EVX1: variants seen among roughly 807,000 people sequenced by gnomAD.
EVX1 encodes the protein homeobox even-skipped homolog protein 1.
A neutral mutation model predicts 28.6 loss-of-function variants in EVX1; 19 were observed. The observed-to-expected ratio is 0.67, with a 90% confidence interval of 0.46 to 0.98. The LOEUF (loss-of-function observed/expected upper bound fraction) is 0.98. Ranked by LOEUF, EVX1 falls within the 50% of genes least tolerant of loss-of-function variation. EVX1 has a pLI of 0.00. For synonymous variants in EVX1, 324 were observed against 278.2 expected, an observed-to-expected ratio of 1.16 and a Z score of -1.64; for missense variants, 660 against 583.0, an observed-to-expected ratio of 1.13 and a Z score of -1.36.
chr7:27,246,031 T>C lies in EVX1; in HGVS notation c.830T>C (p.Leu277Pro). Residue 277 changes from leucine to proline, a missense_variant, in exon 3 of 3, where the codon CTG becomes CCG. This residue lies in a region of EVX1 where 299 missense variants were observed against 241.3 expected (regional missense o/e 1.24). Transcript: ENST00000496902. Reference protein sequence around the residue: ...GGLPYPFPSHLPLPYYSPVGL... With the variant: ...GGLPYPFPSHPPLPYYSPVGL... ...CTGCCCTACCCCTTCCCATCGCACCTGCCCCTGCCCTACTACTCGCCGGTG... is the reference window on the plus strand; with the variant it reads ...CTGCCCTACCCCTTCCCATCGCACCCGCCCCTGCCCTACTACTCGCCGGTG... The C allele has an allele frequency of 6.3e-7, 1 of 1,595,648 alleles. No individual in the cohort carries two copies. Among genetic ancestry groups the C allele is most frequent in the Non-Finnish European group, 8.5e-7 (1 of 1,178,134 alleles).
Position 27,243,218 on chromosome 7 carries a change from G to T in EVX1, c.188G>T (p.Gly63Val). The change falls in exon 1 of 3, where the codon GGA becomes GTA. Residue 63 changes from glycine to valine, a missense_variant. By Grantham distance (109) the Gly-to-Val change is moderately radical. Around this residue, in one of 3 missense-constraint regions of EVX1, gnomAD observed 308 missense variants for 256.6 expected, o/e 1.20. Transcript: ENST00000496902. ...VPPATRERGGGGPEEEPVDGL... is the reference protein window; with the variant it reads ...VPPATRERGGVGPEEEPVDGL... The stretch of plus-strand genomic sequence containing the variant: ...CCGGCCACCCGGGAGCGCGGCGGGG[G>T]AGGCCCGGAGGAGGAGCCGGTAGAT... 1 of 1,551,420 alleles carries T rather than the reference G, an allele frequency of 6.4e-7. No homozygotes were observed. Among genetic ancestry groups the T allele is most frequent in the Non-Finnish European group, 8.7e-7 (1 of 1,148,050 alleles).
Position 27,245,797 on chromosome 7 carries a change from G to C in EVX1, c.685-89G>C, listed in dbSNP as rs960044241. 4 of 1,504,550 alleles carry C rather than the reference G, an allele frequency of 2.7e-6. No homozygotes were observed. The African/African-American group carries it at 4.2e-5, about 16-fold the overall frequency. 93.2% of individuals were successfully genotyped at this position (1,504,550 alleles called of 1,614,324 possible). A position where few individuals can be genotyped will look rare whatever the true frequency, so the allele number is the denominator to read the frequency against. Reference sequence around the variant, plus strand: ...TCTGCTTTGGCTGTTCCTGCCCTGCGAACACTGTCCCCGGAGCGGGACCAG... The same window carrying C: ...TCTGCTTTGGCTGTTCCTGCCCTGCCAACACTGTCCCCGGAGCGGGACCAG... On this transcript the variant is annotated intron_variant, in intron 2 of 2. Coordinates refer to ENST00000496902, the MANE Select transcript of EVX1 (RefSeq NM_001989.5).
rs746435461 is a variant in EVX1, at chr7:27,243,130, C to T, written c.100C>T (p.Pro34Ser). ...AAATTTGTCCGAAGCCGTGGGCAGC[C>T]CGCTGCCGGAGCCGCCCGAGAAAAT... is the stretch of plus-strand genomic sequence containing the variant. ...VSNLSEAVGS[P>S]LPEPPEKMVP... The change falls in exon 1 of 3, where the codon CCG becomes TCG. Residue 34 changes from proline to serine, a missense_variant. Coordinates refer to ENST00000496902, the MANE Select transcript of EVX1 (RefSeq NM_001989.5). The T allele has an allele frequency of 3.7e-6, 6 of 1,609,344 alleles. 1 individual carries two copies. In the South Asian group the frequency reaches 5.6e-5, roughly 15 times the overall value.
chr7:27,246,484 G>A lies in EVX1; in HGVS notation c.*59G>A. On this transcript the variant is annotated 3_prime_UTR_variant, in exon 3 of 3. Transcript: ENST00000496902. ...CCGTGGGGTCACCCCCCGGCCCCGG[G>A]ACTCAGCCAGCCTCGCTCCTCGCTC... is the stretch of plus-strand genomic sequence containing the variant. 2 of 1,512,068 alleles carry A rather than the reference G, an allele frequency of 1.3e-6. No individual in the cohort carries two copies. The highest frequency in any genetic ancestry group is 1.8e-6 in the Non-Finnish European group (2 of 1,127,294). The allele number at this position is 1,512,068 out of a possible 1,614,324, so 93.7% of individuals were successfully genotyped here.
At chr7:27,244,829 GCCTCCCCAAAGACCTCTA>G (rs1180339445) in intron 1 of EVX1, among the ~76,000 whole-genome samples, 1 of 152,166 alleles carries the variant, frequency 6.6e-6, no homozygotes, top group Non-Finnish European at 1.5e-5. Flanking sequence ...GGAAGGGAAG[GCCTCCCCAAAGACCTCTA>G]CCTACCCAAT....
At position 27,245,937 on chromosome 7, in the gene EVX1, A is replaced by G; in HGVS notation, c.736A>G (p.Thr246Ala). 3 of 1,600,436 alleles carry G rather than the reference A, an allele frequency of 1.9e-6. No individual in the cohort carries two copies. The highest frequency in any genetic ancestry group is 2.6e-6 in the Non-Finnish European group (3 of 1,175,444). The change falls in exon 3 of 3, where the codon ACG (threonine) becomes GCG (alanine). Residue 246 changes from threonine (T) to alanine (A), a missense_variant. Coordinates refer to ENST00000496902, the MANE Select transcript of EVX1 (RefSeq NM_001989.5). ...MKDKRQRLAM[T>A]WPHPADPAFY... ...GGACAAGCGGCAGCGCCTGGCCATG[A>G]CGTGGCCGCACCCGGCGGACCCCGC...
At chr7:27,244,633 C>A in intron 1 of EVX1, 1 of 361,070 alleles carries the variant, frequency 2.8e-6, no homozygotes, top group Non-Finnish European at 4.1e-6. Context: ...CAAGGAAACT[C>A]TCTGAATGCC....
rs1300939988 is a variant in EVX1 at position 27,242,866 on chromosome 7, C to T, written c.-165C>T. 7.2e-6 allele frequency: 5 copies of T among 697,702 alleles called. No homozygotes were observed. The highest frequency in any genetic ancestry group is 5.6e-5 in the African/African-American group (3 of 53,972). The allele number at this position is 697,702 out of a possible 1,614,324, so 43.2% of individuals were successfully genotyped here. A position where few individuals can be genotyped will look rare whatever the true frequency, so the allele number is the denominator to read the frequency against. ...TGACCCTAGCTCCCACCGCCACCGC[C>T]GCGGTCGCGGTCCAGACCGCGCTCC... On this transcript the variant is annotated 5_prime_UTR_variant, in exon 1 of 3. Coordinates refer to ENST00000496902, the MANE Select transcript of EVX1 (RefSeq NM_001989.5).
In EVX1 at chr7:27,243,024, C is replaced by A; in HGVS notation, c.-7C>A. 2 of 1,570,006 alleles carry A rather than the reference C, an allele frequency of 1.3e-6. No individual in the cohort carries two copies. The highest frequency in any genetic ancestry group is 2.3e-5 in the East Asian group (1 of 42,570). On this transcript the variant is annotated 5_prime_UTR_variant, in exon 1 of 3. Coordinates refer to ENST00000496902, the MANE Select transcript of EVX1 (RefSeq NM_001989.5). ...GGCTTTCCCCTCCCCCACCGGAGAG[C>A]CCCGGGATGGAGAGCCGAAAGGACA... is the stretch of plus-strand genomic sequence containing the variant.
At position 27,246,014 on chromosome 7, in the gene EVX1, C is replaced by T. The variant is rs770259177; in HGVS notation, c.813C>T (p.Tyr271=). Residue 271 remains tyrosine, a synonymous_variant, in exon 3 of 3, where the codon TAC becomes TAT. Transcript: ENST00000496902. The stretch of plus-strand genomic sequence containing the variant: ...CGGCGGCCGCGGGCGGCCTGCCCTA[C>T]CCCTTCCCATCGCACCTGCCCCTGC... The part of the protein sequence containing the change: ...SHAAAAGGLP[Y]PFPSHLPLPY... The T allele has an allele frequency of 1.9e-6, 3 of 1,599,788 alleles. No individual in the cohort carries two copies. Among genetic ancestry groups the T allele is most frequent in the South Asian group, 1.1e-5 (1 of 91,032 alleles).
At position 27,246,159 on chromosome 7, in the gene EVX1, C is replaced by G. The variant is rs752602517; in HGVS notation, c.958C>G (p.Pro320Ala). 78 of 1,505,500 alleles carry G rather than the reference C, an allele frequency of 5.2e-5. 1 individual carries two copies. In the African/African-American group the frequency reaches 9.3e-4, roughly 18 times the overall value. The allele number at this position is 1,505,500 out of a possible 1,614,324, so 93.3% of individuals were successfully genotyped here. A position where few individuals can be genotyped will look rare whatever the true frequency, so the allele number is the denominator to read the frequency against. Residue 320 changes from proline to alanine, a missense_variant, in exon 3 of 3, where the codon CCC becomes GCC. Physicochemically the swap from Pro to Ala is conservative, Grantham distance 27. This residue lies in a region of EVX1 where 299 missense variants were observed against 241.3 expected (regional missense o/e 1.24). Transcript: ENST00000496902. Reference protein sequence around the residue: ...FRVLSQPYPRPELLCAFRHPP... With the variant: ...FRVLSQPYPRAELLCAFRHPP... ...CGTGCTGTCGCAGCCCTACCCGCGGCCCGAACTGCTGTGCGCCTTCCGCCA... is the reference window on the plus strand; with the variant it reads ...CGTGCTGTCGCAGCCCTACCCGCGGGCCGAACTGCTGTGCGCCTTCCGCCA...
chr7:27,244,827 A>T (rs1414244465), intron 1 of EVX1, among the ~76,000 whole-genome samples: 1 of 152,170 alleles, frequency 6.6e-6, no homozygotes, highest in Non-Finnish European at 1.5e-5. Flanking sequence ...GAGGAAGGGA[A>T]GGCCTCCCCA....
rs1472838364 is a variant in EVX1 at position 27,246,004 on chromosome 7, G to A, written c.803G>A (p.Gly268Asp). 6.2e-7 allele frequency: 1 copy of A among 1,600,826 alleles called. No homozygotes were observed. The highest frequency in any genetic ancestry group is 1.7e-5 in the Admixed American group (1 of 59,988). The change falls in exon 3 of 3, where the codon GGC (glycine) becomes GAC (aspartate). Residue 268 changes from glycine to aspartate, a missense_variant. Around this residue, in one of 3 missense-constraint regions of EVX1, gnomAD observed 299 missense variants for 241.3 expected, o/e 1.24. Transcript: ENST00000496902. ...YMMSHAAAAG[G>D]LPYPFPSHLP... ...ATGAGCCATGCGGCGGCCGCGGGCG[G>A]CCTGCCCTACCCCTTCCCATCGCAC...
Position 27,246,268 on chromosome 7 carries a change from C to A in EVX1, c.1067C>A (p.Pro356Gln), listed in dbSNP as rs762788783. The A allele has an allele frequency of 2.6e-6, 4 of 1,564,974 alleles. No homozygotes were observed. The highest frequency in any genetic ancestry group is 1.7e-6 in the Non-Finnish European group (2 of 1,163,332). ...TCCTGCCTCGCCTGTCACAGCGGCC[C>A]GGCCAACGGGCTGGCGCCCCGGGCT... is the stretch of plus-strand genomic sequence containing the variant. ...PCSCLACHSG[P>Q]ANGLAPRAAA... is the part of the protein sequence containing the mutation. The change falls in exon 3 of 3, where the codon CCG (proline) becomes CAG (glutamine). Residue 356 changes from proline to glutamine, a missense_variant. Around this residue, in one of 3 missense-constraint regions of EVX1, gnomAD observed 299 missense variants for 241.3 expected, o/e 1.24. Coordinates refer to ENST00000496902, the MANE Select transcript of EVX1 (RefSeq NM_001989.5).
chr7:27,246,029 C>T lies in EVX1; in HGVS notation c.828C>T (p.His276=), dbSNP rs764443265. The part of the protein sequence containing the change: ...AGGLPYPFPS[H]LPLPYYSPVG... ...GCCTGCCCTACCCCTTCCCATCGCA[C>T]CTGCCCCTGCCCTACTACTCGCCGG... Residue 276 remains histidine, a synonymous_variant, in exon 3 of 3, where the codon CAC becomes CAT. Transcript: ENST00000496902. 6.3e-7 allele frequency: 1 copy of T among 1,593,920 alleles called. No homozygotes were observed. The highest frequency in any genetic ancestry group is 1.3e-5 in the African/African-American group (1 of 74,280).
Position 27,246,119 on chromosome 7 carries a change from G to C in EVX1, c.918G>C (p.Pro306=), listed in dbSNP as rs748592230. The change falls in exon 3 of 3, where the codon CCG becomes CCC. Residue 306 remains proline (P), a synonymous_variant. Coordinates refer to ENST00000496902, the MANE Select transcript of EVX1 (RefSeq NM_001989.5). ...CGCCCTTCAGCGGCTCGCTGCGCCC[G>C]CTCGACACGTTCCGCGTGCTGTCGC... is the stretch of plus-strand genomic sequence containing the variant. ...AASPFSGSLR[P]LDTFRVLSQP... 5 of 1,540,334 alleles carry C rather than the reference G, an allele frequency of 3.2e-6. No homozygotes were observed. In the Admixed American group the frequency reaches 9.6e-5, roughly 30 times the overall value.
At position 27,246,216 on chromosome 7, in the gene EVX1, C is replaced by A. The variant is rs1470593031; in HGVS notation, c.1015C>A (p.Leu339Met). ...GCTCTACCCCGGGCCCGCGCACGGA[C>A]TGGGCGCCTCTGCCGGCGGCCCCTG... ...PPLYPGPAHG[L>M]GASAGGPCSC... The change falls in exon 3 of 3, where the codon CTG (leucine) becomes ATG (methionine). Residue 339 changes from leucine to methionine, a missense_variant. Physicochemically the swap from Leu to Met is conservative, Grantham distance 15. Around this residue, in one of 3 missense-constraint regions of EVX1, gnomAD observed 299 missense variants for 241.3 expected, o/e 1.24. Coordinates refer to ENST00000496902, the MANE Select transcript of EVX1 (RefSeq NM_001989.5). 6.6e-7 allele frequency: 1 copy of A among 1,512,336 alleles called. No individual in the cohort carries two copies. The highest frequency in any genetic ancestry group is 2.7e-5 in the East Asian group (1 of 37,714). 93.7% of individuals were successfully genotyped at this position (1,512,336 alleles called of 1,614,324 possible). A position where few individuals can be genotyped will look rare whatever the true frequency, so the allele number is the denominator to read the frequency against.
Position 27,243,238 on chromosome 7 carries a change from G to A in EVX1, c.208G>A (p.Val70Ile), listed in dbSNP as rs148774441. 1.9e-3 allele frequency: 2,982 copies of A among 1,548,602 alleles called. 44 individuals carry two copies. The African/African-American group carries it at 0.034, about 18-fold the overall frequency. ...RGGGGPEEEP[V>I]DGLAGSAAGP... ...CGGGGGAGGCCCGGAGGAGGAGCCG[G>A]TAGATGGACTCGCAGGCAGCGCGGC... Residue 70 changes from valine to isoleucine, a missense_variant, in exon 1 of 3, where the codon GTA becomes ATA. This residue lies in a region of EVX1 where 308 missense variants were observed against 256.6 expected (regional missense o/e 1.20). Coordinates refer to ENST00000496902, the MANE Select transcript of EVX1 (RefSeq NM_001989.5).
At position 27,245,310 on chromosome 7, in the gene EVX1, C is replaced by T. The variant is rs1427592391; in HGVS notation, c.684+6C>T. 1.2e-6 allele frequency: 2 copies of T among 1,612,982 alleles called. No homozygotes were observed. The highest frequency in any genetic ancestry group is 2.2e-5 in the East Asian group (1 of 44,870). On this transcript the variant is annotated splice_donor_region_variant and intron_variant, in intron 2 of 2. Coordinates refer to ENST00000496902, the MANE Select transcript of EVX1 (RefSeq NM_001989.5). ...TGCCGGAAACCACCATCAAGGTATG[C>T]GGGGTCCAGGCTGGGGAGGCGGGTG...
Sources: gnomAD v4.1 joint callset for allele counts (sites outside exome capture counted in the v4.1 genomes callset) on GRCh38, gnomAD v4.1.1 for gene constraint, gnomAD v4.1.1 regional missense constraint, MANE v1.5 for transcripts, NCBI Gene and HGNC (gene_info 2026-07-23, HGNC 2026-07-21) for gene names.